MROH2A: variants seen among roughly 807,000 people sequenced by gnomAD.
MROH2A encodes maestro heat like repeat family member 2A.
MROH2A carries 174 observed loss-of-function variants against 200.4 expected under a neutral mutation model. The observed-to-expected ratio is 0.87, with a 90% CI of 0.77 to 0.98. The LOEUF is 0.98. Among genes scored for constraint, MROH2A ranks in the 50% least tolerant of loss-of-function variants. The pLI is 0.00. For synonymous variants in MROH2A, 829 were observed against 840.4 expected (o/e 0.99, Z 0.23); for missense variants, 2,045 against 2,139.6 (o/e 0.96, Z 0.87).
In MROH2A at chr2:233,807,333, G is replaced by A. The variant is rs2126138565; in HGVS notation, c.2053-90G>A. On this transcript the variant is annotated intron_variant, in intron 19 of 41. Transcript: ENST00000389758. This position sits in a 1 kb window ranked among gnomAD's most constrained non-coding sequence, Gnocchi z 4.3. The stretch of plus-strand genomic sequence containing the variant: ...TATCTTCTGCACATTAAAATAAATT[G>A]AAAAATACGTAGAAAACTCTCTACA... The A allele has an allele frequency of 7.4e-7, 1 of 1,353,116 alleles. No homozygotes were observed. Among genetic ancestry groups the A allele is most frequent in the South Asian group, 1.5e-5 (1 of 66,574 alleles). 83.8% of individuals were successfully genotyped at this position (1,353,116 alleles called of 1,614,324 possible).
At chr2:233,832,547 C>G in intron 40 of MROH2A, 32 bp from the exon 41 acceptor site, 3 of 1,450,756 alleles carry the variant, frequency 2.1e-6, no homozygotes, top group Non-Finnish European at 2.8e-6. Flanking sequence ...CTAATACTCG[C>G]GTGATGAGCA....
At chr2:233,824,150 T>A (rs1157136962) in intron 35 of MROH2A, among the ~76,000 whole-genome samples, 2 of 152,198 alleles carry the variant, frequency 1.3e-5, no homozygotes, top group African/African-American at 2.4e-5. Context: ...CAGAGTAAAT[T>A]TTTGGCTTTG....
intron 26 of MROH2A, 46 bp downstream of exon 26, chr2:233,814,723 C>A: frequency 7.3e-7 from 1 of 1,364,844 alleles, no homozygotes. Context: ...GCCACTCCTC[C>A]CCAGAAGCTG....
rs568175373 is a variant in MROH2A, at chr2:233,820,314, CTG to C, written c.3512+261_3512+262del. Among the ~76,000 whole-genome samples, 144 of 152,088 alleles carry C rather than the reference CTG, an allele frequency of 9.5e-4. No homozygotes were observed. Among genetic ancestry groups the C allele is most frequent in the African/African-American group, 3.3e-3 (138 of 41,570 alleles). ...GCTCCCCACATGCCCGGGACAGTGTCTGTGGAGTTCATTCTCTCCCAGAGTAG... is the reference window on the plus strand; with the variant it reads ...GCTCCCCACATGCCCGGGACAGTGTCTGGAGTTCATTCTCTCCCAGAGTAG... On this transcript the variant is annotated intron_variant, in intron 31 of 41. Transcript: ENST00000389758. The surrounding 1 kb of genome is among the most constrained non-coding windows in gnomAD (Gnocchi z 4.1).
In MROH2A at chr2:233,822,952, A is replaced by C; in HGVS notation, c.3938A>C (p.Glu1313Ala). 1 of 1,550,614 alleles carries C rather than the reference A, an allele frequency of 6.4e-7. No individual in the cohort carries two copies. Among genetic ancestry groups the C allele is most frequent in the Non-Finnish European group, 8.7e-7 (1 of 1,146,982 alleles). Residue 1313 changes from glutamate to alanine, a missense_variant, in exon 34 of 42, where the codon GAG becomes GCG. Glu to Ala is a moderately radical substitution (Grantham distance 107). Coordinates refer to ENST00000389758, the MANE Select transcript of MROH2A (RefSeq NM_001394639.1). ...KSQHLAHTLD[E>A]QAVWDLLQDG... ...CAGCACCTGGCACATACCCTGGACGAGCAGGCAGTGTGGGACCTCCTGCAG... is the reference window on the plus strand; with the variant it reads ...CAGCACCTGGCACATACCCTGGACGCGCAGGCAGTGTGGGACCTCCTGCAG...
chr2:233,819,929 G>T lies in MROH2A; in HGVS notation c.3385G>T (p.Val1129Leu). ...GGCCGAGATCCTGAGTGCCATCCTG[G>T]TGCACCTGCCGGTGGTGGACCACCC... ...KVAEILSAILVHLPVVDHPEV... is the reference protein window; with the variant it reads ...KVAEILSAILLHLPVVDHPEV... Residue 1129 changes from valine (V) to leucine (L), a missense_variant, in exon 31 of 42, where the codon GTG becomes TTG. Coordinates refer to ENST00000389758, the MANE Select transcript of MROH2A (RefSeq NM_001394639.1). 1.3e-6 allele frequency: 2 copies of T among 1,529,238 alleles called. No individual in the cohort carries two copies. Among genetic ancestry groups the T allele is most frequent in the South Asian group, 2.4e-5 (2 of 82,262 alleles). The allele number at this position is 1,529,238 out of a possible 1,614,324, so 94.7% of individuals were successfully genotyped here.
chr2:233,795,273 C>T (rs916032346), intron 8 of MROH2A, among the ~76,000 whole-genome samples: 5 of 152,160 alleles, frequency 3.3e-5, no homozygotes, highest in Admixed American at 1.3e-4. Flanking sequence ...AAAGGGATCA[C>T]TCATCTATAA....
At chr2:233,779,912 A>C (rs1700864489) in intron 3 of MROH2A, 60 bp downstream of exon 3, 1 of 1,335,708 alleles carries the variant, frequency 7.5e-7, no homozygotes, top group African/African-American at 1.5e-5. Flanking sequence ...TCCATCCACC[A>C]CCCAGCACAT....
Position 233,828,622 on chromosome 2 carries a change from C to A in MROH2A, c.4114-8C>A. 1 of 1,550,370 alleles carries A rather than the reference C, an allele frequency of 6.5e-7. No individual in the cohort carries two copies. On this transcript the variant is annotated splice_region_variant and splice_polypyrimidine_tract_variant and intron_variant, in intron 35 of 41. Coordinates refer to ENST00000389758, the MANE Select transcript of MROH2A (RefSeq NM_001394639.1). This position sits in a 1 kb window ranked among gnomAD's most constrained non-coding sequence, Gnocchi z 4.6. ...CTGGGGATAACTGCCCAATGTCCTC[C>A]CTTCCAGTTCATGAGCGGCCCAGTT...
Position 233,807,286 on chromosome 2 carries a change from C to G in MROH2A, c.2053-137C>G. On this transcript the variant is annotated intron_variant, in intron 19 of 41. Transcript: ENST00000389758. The surrounding 1 kb of genome is among the most constrained non-coding windows in gnomAD (Gnocchi z 4.3). ...CACATTTTTGCACTTGTGAATTGTG[C>G]TGCTGTAAACGTGTGTGCAAGTATC... 1.0e-6 allele frequency: 1 copy of G among 957,454 alleles called. No individual in the cohort carries two copies. Among genetic ancestry groups the G allele is most frequent in the Non-Finnish European group, 1.5e-6 (1 of 670,730 alleles). The allele number at this position is 957,454 out of a possible 1,614,324, so 59.3% of individuals were successfully genotyped here. A position where few individuals can be genotyped will look rare whatever the true frequency, so the allele number is the denominator to read the frequency against.
In MROH2A at chr2:233,794,387, C is replaced by T. The variant is rs1433832444; in HGVS notation, c.847C>T (p.Leu283=). ...PEVKLGVIKS[L]KPMLGLLLPN... Reference sequence around the variant, plus strand: ...GGTGAAGCTGGGGGTGATCAAGTCCCTGAAGCCCATGCTCGGCCTCCTTCT... The same window carrying T: ...GGTGAAGCTGGGGGTGATCAAGTCCTTGAAGCCCATGCTCGGCCTCCTTCT... The change falls in exon 8 of 42, where the codon CTG becomes TTG. Residue 283 remains leucine, a synonymous_variant. Coordinates refer to ENST00000389758, the MANE Select transcript of MROH2A (RefSeq NM_001394639.1). The T allele has an allele frequency of 1.9e-5, 29 of 1,550,388 alleles. No homozygotes were observed. The highest frequency in any genetic ancestry group is 2.5e-5 in the Non-Finnish European group (29 of 1,146,946).
rs200069914 is a variant in MROH2A at position 233,779,781 on chromosome 2, A to G, written c.205A>G (p.Ile69Val). 1,262 of 1,550,780 alleles carry G rather than the reference A, an allele frequency of 8.1e-4. 1 individual carries two copies. The highest frequency in any genetic ancestry group is 1.0e-3 in the Non-Finnish European group (1,150 of 1,147,026). The change falls in exon 3 of 42, where the codon ATC becomes GTC. Residue 69 changes from isoleucine to valine, a missense_variant. Transcript: ENST00000389758. The stretch of plus-strand genomic sequence containing the variant: ...GCGGAAGACCCTGGCCTCGGTGATA[A>G]TCATGGAGAAGGCCACCACTGAGCC... Reference protein sequence around the residue: ...DMRKTLASVIIMEKATTEPSV... With the variant: ...DMRKTLASVIVMEKATTEPSV...
Position 233,787,759 on chromosome 2 carries a change from AT to A in MROH2A, c.277-1737del, listed in dbSNP as rs1343047867. ...CATATATATTATATATATTATATATATCATATATACATATATATTATATATA... is the reference window on the plus strand; with the variant it reads ...CATATATATTATATATATTATATATACATATATACATATATATTATATATA... On this transcript the variant is annotated intron_variant, in intron 3 of 41. Transcript: ENST00000389758. Among the ~76,000 whole-genome samples the A allele has an allele frequency of 1.5e-4, 7 of 45,316 alleles. 3 individuals are homozygous for A. The highest frequency in any genetic ancestry group is 5.7e-4 in the African/African-American group (6 of 10,572). 29.7% of individuals were successfully genotyped at this position (45,316 alleles called of 152,430 possible). A position where few individuals can be genotyped will look rare whatever the true frequency, so the allele number is the denominator to read the frequency against.
chr2:233,796,459 T>C, intron 11 of MROH2A, 146 bp downstream of exon 11: 1 of 605,408 alleles, frequency 1.7e-6, no homozygotes, highest in Non-Finnish European at 2.9e-6. Context: ...TCTTGGCTGC[T>C]TTGCATTTTC....
chr2:233,793,886 G>T, intron 7 of MROH2A, 62 bp downstream of exon 7: 1 of 1,327,386 alleles, frequency 7.5e-7, no homozygotes, highest in Admixed American at 3.8e-5. Flanking sequence ...CCAGCCTGTG[G>T]GGCCGGGAGG....
chr2:233,822,878 C>T lies in MROH2A; in HGVS notation c.3867-3C>T, dbSNP rs1357034973. Reference sequence around the variant, plus strand: ...CGCATCACAAGCTCCCACCTCCCTTCAGGGTCACTATCAAGTCCATGCAGC... The same window carrying T: ...CGCATCACAAGCTCCCACCTCCCTTTAGGGTCACTATCAAGTCCATGCAGC... On this transcript the variant is annotated splice_region_variant and splice_polypyrimidine_tract_variant and intron_variant, in intron 33 of 41. Coordinates refer to ENST00000389758, the MANE Select transcript of MROH2A (RefSeq NM_001394639.1). The T allele has an allele frequency of 3.9e-6, 6 of 1,550,384 alleles. No homozygotes were observed. In the East Asian group the frequency reaches 1.5e-4, roughly 38 times the overall value.
chr2:233,813,419 T>C (rs10929308), intron 24 of MROH2A, among the ~76,000 whole-genome samples: 65,698 of 152,014 alleles, frequency 0.43, 15,553 homozygotes, highest in South Asian at 0.56. Flanking sequence ...AGGTTCAGAG[T>C]AGACAACAGC....
chr2:233,800,395 T>A (rs1702387322), intron 14 of MROH2A, 80 bp downstream of exon 14: 1 of 807,426 alleles, frequency 1.2e-6, no homozygotes, highest in Non-Finnish European at 2.0e-6. Flanking sequence ...GAATTCCACA[T>A]CTTTGCTTCT....
At position 233,810,839 on chromosome 2, in the gene MROH2A, A is replaced by T; in HGVS notation, c.2494A>T (p.Thr832Ser). ...CTTCATGAAGAGTGTTGTGCAGGTT[A>T]CCAAGGCCATCAACAACATCAAGGA... is the stretch of plus-strand genomic sequence containing the variant. ...MAFMKSVVQV[T>S]KAINNIKDLE... is the part of the protein sequence containing the mutation. Residue 832 changes from threonine (T) to serine (S), a missense_variant, in exon 23 of 42, where the codon ACC (threonine) becomes TCC (serine). Thr to Ser is a moderately conservative substitution (Grantham distance 58, BLOSUM62 1). Around this residue, in one of 3 missense-constraint regions of MROH2A, gnomAD observed 1,201 missense variants for 1,311.3 expected, o/e 0.92. Transcript: ENST00000389758. 6.4e-7 allele frequency: 1 copy of T among 1,550,508 alleles called. No homozygotes were observed.
Sources: allele counts gnomAD v4.1 joint callset (sites outside exome capture counted in the v4.1 genomes callset), GRCh38; gene constraint gnomAD v4.1.1; regional missense constraint gnomAD v4.1.1; non-coding constraint Gnocchi (gnomAD v3.1); transcripts MANE v1.5; gene names NCBI Gene and HGNC (gene_info 2026-07-23, HGNC 2026-07-21).